Variants in ATG10 observed in about 807,000 individuals in gnomAD.
The protein encoded by ATG10 is autophagy related 10.
In ATG10, 30 loss-of-function variants were observed where a neutral mutation model predicts 32.1. The ratio of observed to expected loss-of-function variants is 0.94; its 90% CI spans 0.70 to 1.27. The LOEUF is 1.27. ATG10 is among the 50% of genes most tolerant of loss of function. The probability of loss-of-function intolerance (pLI) is 0.00; values close to 1 mark genes in which losing one functional copy is unlikely to be tolerated. For missense variants in ATG10, 233 were observed against 262.3 expected, an observed-to-expected ratio of 0.89 and a Z score of 0.77; for synonymous variants, 87 against 91.5, an observed-to-expected ratio of 0.95 and a Z score of 0.28.
chr5:81,978,651 G>A (rs1305081699), intron 1 of ATG10, among the ~76,000 whole-genome samples: 1 of 151,970 alleles, frequency 6.6e-6, no homozygotes, highest in Non-Finnish European at 1.5e-5. Context: ...ATAGATCTGT[G>A]GTTTTTTTTG....
chr5:82,113,425 A>T (rs1031278056), intron 3 of ATG10, among the ~76,000 whole-genome samples: 1 of 152,022 alleles, frequency 6.6e-6, no homozygotes, highest in African/African-American at 2.4e-5. Context: ...TTATATAAAA[A>T]GTCAAATTTT....
intron 3 of ATG10, among the ~76,000 whole-genome samples, chr5:82,135,964 C>T (rs1293806512): frequency 6.6e-6 from 1 of 152,022 alleles, no homozygotes; most frequent in Admixed American, 6.6e-5. Flanking sequence ...ATTCCCTTTA[C>T]CATATGTAAT....
chr5:82,007,859 T>C (rs1416148653), intron 2 of ATG10, among the ~76,000 whole-genome samples: 1 of 152,204 alleles, frequency 6.6e-6, no homozygotes, highest in Non-Finnish European at 1.5e-5. Flanking sequence ...GAAATAATTA[T>C]TTATTTTTAC....
intron 5 of ATG10, among the ~76,000 whole-genome samples, chr5:82,199,534 C>T (rs543743964): frequency 6.6e-6 from 1 of 152,146 alleles, no homozygotes. Flanking sequence ...TACCTAAAAA[C>T]TATTTTACCT....
chr5:82,055,723 C>CA, intron 2 of ATG10, among the ~76,000 whole-genome samples: 1 of 152,274 alleles, frequency 6.6e-6, no homozygotes, highest in East Asian at 1.9e-4. Context: ...CTCTCAAACA[C>CA]ATGCTATTAT....
intron 3 of ATG10, among the ~76,000 whole-genome samples, chr5:82,129,646 C>T (rs1766435553): frequency 6.6e-6 from 1 of 152,116 alleles, no homozygotes; most frequent in South Asian, 2.1e-4. Context: ...CACTCAAACC[C>T]TGTTTGCCTG....
At chr5:82,218,471 G>T (rs1232945817) in intron 5 of ATG10, among the ~76,000 whole-genome samples, 1 of 152,038 alleles carries the variant, frequency 6.6e-6, no homozygotes, top group Non-Finnish European at 1.5e-5. Flanking sequence ...CAGTTGTTTT[G>T]GTACAGCAGC....
At chr5:82,245,169 A>G (rs1684931465) in intron 5 of ATG10, among the ~76,000 whole-genome samples, 1 of 152,232 alleles carries the variant, frequency 6.6e-6, no homozygotes. Context: ...CGTTAAACAA[A>G]TAAGGAGTAG....
intron 5 of ATG10, among the ~76,000 whole-genome samples, chr5:82,209,234 G>A (rs149753189): frequency 6.6e-6 from 1 of 152,066 alleles, no homozygotes; most frequent in African/African-American, 2.4e-5. Flanking sequence ...AATTTTTCCT[G>A]GCTACTTTTA....
intron 3 of ATG10, among the ~76,000 whole-genome samples, chr5:82,107,488 C>T (rs1765478234): frequency 6.6e-6 from 1 of 152,064 alleles, no homozygotes; most frequent in Non-Finnish European, 1.5e-5. Flanking sequence ...GCAGAGGGAG[C>T]ACCAAACAAT....
chr5:82,116,272 G>A (rs1357618392), intron 3 of ATG10, among the ~76,000 whole-genome samples: 3 of 151,960 alleles, frequency 2.0e-5, no homozygotes, highest in African/African-American at 2.4e-5. Context: ...TAGAATTTCA[G>A]TTATATATGC....
intron 2 of ATG10, among the ~76,000 whole-genome samples, chr5:81,999,228 C>T (rs995719155): frequency 6.6e-6 from 1 of 150,962 alleles, no homozygotes; most frequent in Non-Finnish European, 1.5e-5. Context: ...AAATCAATGC[C>T]AAGAATATCA....
chr5:82,043,373 G>A (rs989824783), intron 2 of ATG10, among the ~76,000 whole-genome samples: 1 of 152,156 alleles, frequency 6.6e-6, no homozygotes, highest in Non-Finnish European at 1.5e-5. Flanking sequence ...TCCTTCCTAG[G>A]GCTCCAGGGC....
rs1352985441 is a variant in ATG10 at position 82,016,710 on chromosome 5, A to G, written c.108+29032A>G. On this transcript the variant is annotated intron_variant, in intron 2 of 7. Transcript: ENST00000282185. Reference sequence around the variant, plus strand: ...CTTTCTTTCTTTTTTTTTTTTTGAGATGGAGTCTTGCTCTGTTGCCCAGGC... The same window carrying G: ...CTTTCTTTCTTTTTTTTTTTTTGAGGTGGAGTCTTGCTCTGTTGCCCAGGC... Among the ~76,000 whole-genome samples, 12 of 145,842 alleles carry G rather than the reference A, an allele frequency of 8.2e-5. No homozygotes were observed. In the East Asian group the frequency reaches 1.4e-3, roughly 17 times the overall value.
At chr5:82,033,739 C>T (rs1319908681) in intron 2 of ATG10, among the ~76,000 whole-genome samples, 1 of 150,942 alleles carries the variant, frequency 6.6e-6, no homozygotes, top group Non-Finnish European at 1.5e-5. Context: ...AACACACACA[C>T]ACACACACAC....
chr5:82,168,581 A>G (rs1743672736), intron 4 of ATG10, among the ~76,000 whole-genome samples: 1 of 152,202 alleles, frequency 6.6e-6, no homozygotes, highest in South Asian at 2.1e-4. Flanking sequence ...TATGGAGACC[A>G]TTCTATTATT....
intron 5 of ATG10, among the ~76,000 whole-genome samples, chr5:82,236,841 T>G (rs1313474547): frequency 2.6e-5 from 4 of 152,200 alleles, no homozygotes; most frequent in African/African-American, 9.6e-5. Flanking sequence ...ATCCTAGAAA[T>G]GAGGAGAAAC....
intron 1 of ATG10, among the ~76,000 whole-genome samples, chr5:81,978,906 CT>C (rs1465634793): frequency 1.2e-4 from 17 of 146,270 alleles, no homozygotes; most frequent in Admixed American, 2.1e-4. Context: ...TTGAATTTTT[CT>C]TTTTTTTTTT....
intron 5 of ATG10, among the ~76,000 whole-genome samples, chr5:82,226,405 A>G (rs1478772937): frequency 6.6e-6 from 1 of 151,918 alleles, no homozygotes; most frequent in Non-Finnish European, 1.5e-5. Context: ...TAGACTATGT[A>G]TAGTCAGTGA....
Sources: allele counts gnomAD v4.1 joint callset (sites outside exome capture counted in the v4.1 genomes callset), GRCh38; gene constraint gnomAD v4.1.1; transcripts MANE v1.5; gene names NCBI Gene and HGNC (gene_info 2026-07-23, HGNC 2026-07-21).